The following ARHGEF37 variants were observed in gnomAD, a reference collection of about 807,000 sequenced individuals.
ARHGEF37 encodes the protein Rho guanine nucleotide exchange factor 37, also known as Rho guanine nucleotide exchange factor (GEF) 37.
Under a neutral mutation model 71.1 loss-of-function variants are expected in ARHGEF37, and 55 were observed. The ratio of observed to expected loss-of-function variants is 0.77; its 90% CI spans 0.62 to 0.97. The LOEUF is 0.97. Ranked by LOEUF, ARHGEF37 falls within the 50% of genes least tolerant of loss-of-function variation. ARHGEF37 has a pLI of 0.00. For synonymous variants in ARHGEF37, 327 were observed against 350.6 expected (o/e 0.93, Z 0.75); for missense variants, 765 against 836.8 (o/e 0.91, Z 1.06).
Position 149,632,790 on chromosome 5 carries a change from T to C in ARHGEF37, c.*599T>C, listed in dbSNP as rs1483424755. On this transcript the variant is annotated 3_prime_UTR_variant, in exon 13 of 13. Coordinates refer to ENST00000333677, the MANE Select transcript of ARHGEF37 (RefSeq NM_001001669.3). ...GTAGCAGAGAGGTTCCCAAGACTCTTGACTGGTCCTGGGAGTGGGTGTGAC... is the reference window on the plus strand; with the variant it reads ...GTAGCAGAGAGGTTCCCAAGACTCTCGACTGGTCCTGGGAGTGGGTGTGAC... The C allele has an allele frequency of 1.3e-5, 2 of 155,638 alleles. No homozygotes were observed. Among genetic ancestry groups the C allele is most frequent in the African/African-American group, 4.8e-5 (2 of 41,506 alleles). The allele number at this position is 155,638 out of a possible 1,614,324, so 9.6% of individuals were successfully genotyped here.
At chr5:149,626,416 G>C (rs1458118088) in intron 10 of ARHGEF37, among the ~76,000 whole-genome samples, 1 of 152,188 alleles carries the variant, frequency 6.6e-6, no homozygotes, top group Non-Finnish European at 1.5e-5. Flanking sequence ...TCATGCAATG[G>C]AAAAACAGGA....
At chr5:149,600,709 C>T (rs965097386) in intron 2 of ARHGEF37, among the ~76,000 whole-genome samples, 2 of 150,934 alleles carry the variant, frequency 1.3e-5, no homozygotes, top group Admixed American at 6.6e-5. Context: ...GGCACGATCT[C>T]GGCTCACTGC....
intron 1 of ARHGEF37, among the ~76,000 whole-genome samples, chr5:149,593,665 A>G (rs1763472397): frequency 6.6e-6 from 1 of 152,240 alleles, no homozygotes; most frequent in African/African-American, 2.4e-5. Flanking sequence ...TGTATGTTAT[A>G]TGTATTATAT....
chr5:149,631,921 G>A lies in ARHGEF37; in HGVS notation c.1819-61G>A. 3.2e-6 allele frequency: 5 copies of A among 1,556,956 alleles called. No homozygotes were observed. In the South Asian group the frequency reaches 5.7e-5, roughly 18 times the overall value. On this transcript the variant is annotated intron_variant, in intron 12 of 12. Transcript: ENST00000333677. ...TGGGAACAGGATAAACAGCCTCTCT[G>A]GATCCAGTCTGTCTACCTTCTCACC...
chr5:149,615,688 G>A (rs921174643), intron 4 of ARHGEF37, among the ~76,000 whole-genome samples: 2 of 151,864 alleles, frequency 1.3e-5, no homozygotes, highest in African/African-American at 2.4e-5. Context: ...TCAAGAGATT[G>A]AGACCATCCT....
chr5:149,627,292 C>A (rs1185671681), intron 11 of ARHGEF37, 21 bp downstream of exon 11: 5 of 1,603,810 alleles, frequency 3.1e-6, no homozygotes, highest in Non-Finnish European at 4.3e-6. Context: ...CTTTGGGAGC[C>A]CTTCTTCTCC....
At chr5:149,593,881 A>C (rs1763477337) in intron 1 of ARHGEF37, among the ~76,000 whole-genome samples, 1 of 152,170 alleles carries the variant, frequency 6.6e-6, no homozygotes, top group African/African-American at 2.4e-5. Flanking sequence ...TTCTGTGTAT[A>C]AGTGGACCCA....
chr5:149,613,470 C>T (rs1752262030), intron 4 of ARHGEF37, among the ~76,000 whole-genome samples: 1 of 151,890 alleles, frequency 6.6e-6, no homozygotes, highest in Admixed American at 6.6e-5. Context: ...CCTCAGCCTC[C>T]CGAGTAGCTG....
At chr5:149,611,695 G>C (rs555184702) in intron 4 of ARHGEF37, among the ~76,000 whole-genome samples, 2 of 152,340 alleles carry the variant, frequency 1.3e-5, no homozygotes, top group South Asian at 2.1e-4. Flanking sequence ...CATTGCACAC[G>C]AGTGACACTC....
At chr5:149,559,209 T>C (rs1309437724) in intron 1 of ARHGEF37, among the ~76,000 whole-genome samples, 1 of 152,080 alleles carries the variant, frequency 6.6e-6, no homozygotes, top group Non-Finnish European at 1.5e-5. Context: ...TAATCCCAGC[T>C]ACTCGGGTGG....
intron 1 of ARHGEF37, among the ~76,000 whole-genome samples, chr5:149,569,916 T>A (rs1762942347): frequency 6.6e-6 from 1 of 152,196 alleles, no homozygotes; most frequent in Admixed American, 6.5e-5. Flanking sequence ...CCACTGCACC[T>A]GACCATATGT....
rs574775368 is a variant in ARHGEF37, at chr5:149,627,246, C to T, written c.1635C>T (p.Ser545=). 289 of 1,613,794 alleles carry T rather than the reference C, an allele frequency of 1.8e-4. No homozygotes were observed. The highest frequency in any genetic ancestry group is 1.8e-4 in the East Asian group (8 of 44,868). ...AAAACAAGGACACCAAAGGCAACAG[C>T]GGCCGCTGGCTGGTGGACACCGGGG... The part of the protein sequence containing the change: ...ILQNKDTKGN[S]GRWLVDTGGH... The change falls in exon 11 of 13, where the codon AGC becomes AGT. Residue 545 remains serine (S), a synonymous_variant. Transcript: ENST00000333677.
chr5:149,572,416 T>A (rs1445014728), intron 1 of ARHGEF37, among the ~76,000 whole-genome samples: 1 of 152,226 alleles, frequency 6.6e-6, no homozygotes, highest in Non-Finnish European at 1.5e-5. Context: ...TGCATTCTCT[T>A]CTGGGGAAAG....
intron 5 of ARHGEF37, among the ~76,000 whole-genome samples, chr5:149,617,185 T>A (rs891559784): frequency 1.3e-5 from 2 of 152,246 alleles, no homozygotes; most frequent in Non-Finnish European, 2.9e-5. Context: ...CTGATTGGCT[T>A]AGGTCTGGGT....
intron 8 of ARHGEF37, among the ~76,000 whole-genome samples, chr5:149,621,522 T>TA (rs1481879185): frequency 6.6e-6 from 1 of 152,212 alleles, no homozygotes; most frequent in Non-Finnish European, 1.5e-5. Context: ...TACTCTGTGC[T>TA]AAGCACTCTG....
chr5:149,599,427 A>G (rs1213526100), intron 2 of ARHGEF37, among the ~76,000 whole-genome samples: 1 of 44,386 alleles, frequency 2.3e-5, no homozygotes, highest in Non-Finnish European at 3.6e-5. Context: ...GGAAAGCCCA[A>G]GGCAAACTTA....
chr5:149,567,824 T>C (rs921144004), intron 1 of ARHGEF37, among the ~76,000 whole-genome samples: 1 of 152,212 alleles, frequency 6.6e-6, no homozygotes, highest in African/African-American at 2.4e-5. Context: ...AGCCATGGAA[T>C]CAGCCATTTC....
intron 10 of ARHGEF37, 51 bp from the exon 11 acceptor site, chr5:149,627,025 T>G: frequency 6.5e-7 from 1 of 1,543,702 alleles, no homozygotes; most frequent in East Asian, 2.3e-5. Context: ...GGTGCCAGCT[T>G]TGACAGGTTT....
intron 12 of ARHGEF37, among the ~76,000 whole-genome samples, chr5:149,630,688 C>A (rs1752854888): frequency 6.6e-6 from 1 of 152,172 alleles, no homozygotes; most frequent in Admixed American, 6.5e-5. Flanking sequence ...ACCCCCGCCG[C>A]CCAGCTCCAG....
Sources: allele counts gnomAD v4.1 joint callset (sites outside exome capture counted in the v4.1 genomes callset), GRCh38; gene constraint gnomAD v4.1.1; transcripts MANE v1.5; gene names NCBI Gene and HGNC (gene_info 2026-07-23, HGNC 2026-07-21).